The following UBAP2 variants were observed in gnomAD, a reference collection of about 807,000 sequenced individuals.
UBAP2 encodes the protein ubiquitin-associated protein 2.
Under a neutral mutation model 139.6 loss-of-function variants are expected in UBAP2, and 75 were observed. That is an observed-to-expected ratio of 0.54 (90% CI 0.45 to 0.65). The LOEUF (loss-of-function observed/expected upper bound fraction) is 0.65, where lower values mean the gene tolerates loss of function less well. UBAP2 is among the 30% of genes least tolerant of loss of function. UBAP2 has a pLI of 0.00. For missense variants in UBAP2, 1,368 were observed against 1,369.6 expected, an observed-to-expected ratio of 1.00 and a Z score of 0.02; for synonymous variants, 526 against 526.2, an observed-to-expected ratio of 1.00 and a Z score of 0.01.
At chr9:34,049,192 A>G (rs1827897545), upstream of UBAP2, among the ~76,000 whole-genome samples, 3 of 152,198 alleles carry the variant, frequency 2.0e-5, no homozygotes, top group South Asian at 4.1e-4. Flanking sequence ...TCGCGCCGTG[A>G]TGACCTCACA....
At chr9:33,941,891 ATT>A (rs1371581589) in intron 15 of UBAP2, 29 bp from the exon 16 acceptor site, 10 of 1,530,464 alleles carry the variant, frequency 6.5e-6, no homozygotes, top group Admixed American at 1.7e-5. Context: ...ATTCAACATA[ATT>A]TTGTTACTTT....
rs371142324 is a variant in UBAP2, at chr9:33,927,927, G to A, written c.2241C>T (p.Ser747=). ...SSATFSTAAT[S]VSSSASSGAS... ...CGCCTGAGGATGCGGAACTTGAGAC[G>A]GAGGTCGCTGCCGTGGAGAAGGTGG... is the stretch of plus-strand genomic sequence containing the variant. The change falls in exon 20 of 29, where the codon TCC becomes TCT. Residue 747 remains serine (S), a synonymous_variant. Coordinates refer to ENST00000379238, the MANE Select transcript of UBAP2 (RefSeq NM_001370062.2). The A allele has an allele frequency of 1.7e-5, 27 of 1,614,104 alleles. No homozygotes were observed. Among genetic ancestry groups the A allele is most frequent in the Middle Eastern group, 1.6e-4 (1 of 6,084 alleles).
At chr9:34,033,213 C>G (rs1205639582) in intron 1 of UBAP2, among the ~76,000 whole-genome samples, 1 of 152,224 alleles carries the variant, frequency 6.6e-6, no homozygotes, top group African/African-American at 2.4e-5. Context: ...TGGAAGTAAC[C>G]TAAGTGTCTA....
chr9:34,036,794 T>G (rs1048873739), intron 1 of UBAP2, among the ~76,000 whole-genome samples: 1 of 149,344 alleles, frequency 6.7e-6, no homozygotes, highest in Non-Finnish European at 1.5e-5. Flanking sequence ...ATATACTACC[T>G]TAAGTTTTTC....
chr9:33,990,904 T>C (rs1383545761), intron 4 of UBAP2, among the ~76,000 whole-genome samples: 2 of 152,116 alleles, frequency 1.3e-5, no homozygotes, highest in Admixed American at 1.3e-4. Flanking sequence ...CCCAAAGTAC[T>C]GGTATTACAG....
chr9:34,017,810 C>T (rs1824508408), intron 1 of UBAP2, among the ~76,000 whole-genome samples: 1 of 151,972 alleles, frequency 6.6e-6, no homozygotes, highest in African/African-American at 2.4e-5. Context: ...ATCTGTAGTC[C>T]CAGCTACTTA....
At chr9:33,943,133 G>A (rs1224609105) in intron 15 of UBAP2, among the ~76,000 whole-genome samples, 6 of 152,274 alleles carry the variant, frequency 3.9e-5, no homozygotes, top group Non-Finnish European at 7.4e-5. Flanking sequence ...GGTGTACCTC[G>A]AAAACTTACA....
chr9:34,013,425 A>G (rs1372834700), intron 2 of UBAP2, among the ~76,000 whole-genome samples: 1 of 151,548 alleles, frequency 6.6e-6, no homozygotes, highest in Non-Finnish European at 1.5e-5. Context: ...GTGGAGGCAG[A>G]GGTTGCAGTG....
intron 8 of UBAP2, 69 bp from the exon 9 acceptor site, chr9:33,963,860 T>A: frequency 8.6e-7 from 1 of 1,165,782 alleles, no homozygotes. Flanking sequence ...ACAGAGAAGA[T>A]GGTCACTGTC....
chr9:34,045,129 C>T (rs1451728820), intron 1 of UBAP2, among the ~76,000 whole-genome samples: 1 of 151,970 alleles, frequency 6.6e-6, no homozygotes, highest in African/African-American at 2.4e-5. Context: ...GGGCGGATCA[C>T]GAGGTTAGGA....
At chr9:33,998,985 G>T in intron 2 of UBAP2, 121 bp from the exon 3 acceptor site, 1 of 737,192 alleles carries the variant, frequency 1.4e-6, no homozygotes, top group Admixed American at 2.6e-5. Context: ...ACAAATAAAA[G>T]ACAGTGAATT....
At chr9:33,963,836 TG>T in intron 8 of UBAP2, 45 bp from the exon 9 acceptor site, 1 of 1,425,660 alleles carries the variant, frequency 7.0e-7, no homozygotes, top group South Asian at 1.2e-5. Flanking sequence ...ATGAAAAGAA[TG>T]AAAGTATTCA....
At chr9:34,042,187 A>G (rs1486591945) in intron 1 of UBAP2, among the ~76,000 whole-genome samples, 1 of 151,966 alleles carries the variant, frequency 6.6e-6, no homozygotes, top group Non-Finnish European at 1.5e-5. Context: ...TTATTGTAAA[A>G]AAGTAACAGT....
chr9:34,020,958 T>C (rs1465835370), intron 1 of UBAP2, among the ~76,000 whole-genome samples: 1 of 152,050 alleles, frequency 6.6e-6, no homozygotes, highest in Non-Finnish European at 1.5e-5. Context: ...CGGAATTCTG[T>C]TTTCTAGAAC....
chr9:33,943,608 C>A lies in UBAP2; in HGVS notation c.1546-19G>T. On this transcript the variant is annotated intron_variant, in intron 14 of 28. Coordinates refer to ENST00000379238, the MANE Select transcript of UBAP2 (RefSeq NM_001370062.2). ...CTGGGATCTGAAAAAGCAAAGCTGT[C>A]GTGTCAGGAACAGAGGTCACAGATT... 6.2e-7 allele frequency: 1 copy of A among 1,613,318 alleles called. No homozygotes were observed. The highest frequency in any genetic ancestry group is 8.5e-7 in the Non-Finnish European group (1 of 1,179,648).
intron 1 of UBAP2, among the ~76,000 whole-genome samples, chr9:34,035,387 A>G (rs1471459057): frequency 6.7e-6 from 1 of 150,290 alleles, no homozygotes; most frequent in African/African-American, 2.4e-5. Flanking sequence ...CTGTAATCCC[A>G]GCTACTTGGG....
At chr9:34,049,186 G>T (rs908634773), upstream of UBAP2, among the ~76,000 whole-genome samples, 7 of 152,348 alleles carry the variant, frequency 4.6e-5, no homozygotes, top group Admixed American at 1.3e-4. Context: ...TCGTCGTCGC[G>T]CCGTGATGAC....
chr9:34,002,431 T>G (rs1256204905), intron 2 of UBAP2, among the ~76,000 whole-genome samples: 2 of 143,436 alleles, frequency 1.4e-5, no homozygotes, highest in East Asian at 4.2e-4. Context: ...CAGGCTGGAG[T>G]GCATGGCGCG....
intron 6 of UBAP2, among the ~76,000 whole-genome samples, chr9:33,979,758 C>A (rs961472507): frequency 1.3e-5 from 2 of 151,928 alleles, no homozygotes; most frequent in Admixed American, 6.6e-5. Context: ...GTCCCAGCTA[C>A]ATGGGAGGCT....
Sources: gnomAD v4.1 joint callset for allele counts (sites outside exome capture counted in the v4.1 genomes callset) on GRCh38, gnomAD v4.1.1 for gene constraint, MANE v1.5 for transcripts, NCBI Gene and HGNC (gene_info 2026-07-23, HGNC 2026-07-21) for gene names.